The following CDH4 variants were observed in gnomAD, a reference collection of about 807,000 sequenced individuals.
CDH4 encodes the protein cadherin-4.
CDH4 carries 33 observed loss-of-function variants against 86.0 expected under a neutral mutation model. The observed-to-expected ratio is 0.38, with a 90% CI of 0.29 to 0.51. CDH4 has a LOEUF of 0.51. CDH4 is among the 20% of genes least tolerant of loss of function. The probability of loss-of-function intolerance (pLI) is 0.86; values close to 1 mark genes in which losing one functional copy is unlikely to be tolerated. For synonymous variants in CDH4, 555 were observed against 549.4 expected (o/e 1.01, Z -0.14); for missense variants, 1,114 against 1,307.4 (o/e 0.85, Z 2.28).
intron 2 of CDH4, among the ~76,000 whole-genome samples, chr20:61,693,455 C>T (rs926317589): frequency 1.1e-4 from 17 of 152,172 alleles, no homozygotes; most frequent in African/African-American, 4.1e-4. Context: ...GGTGGGGCAG[C>T]GAGCAGATGA....
intron 8 of CDH4, 104 bp from the exon 9 acceptor site, chr20:61,910,318 T>C: frequency 1.0e-6 from 1 of 993,328 alleles, no homozygotes; most frequent in South Asian, 1.5e-5. Flanking sequence ...CACGGTGTGT[T>C]CTGTTTGTGA....
At chr20:61,297,084 C>G (rs2084359124) in intron 2 of CDH4, among the ~76,000 whole-genome samples, 1 of 152,108 alleles carries the variant, frequency 6.6e-6, no homozygotes, top group African/African-American at 2.4e-5. Context: ...AACAAGGATC[C>G]CTCTCTTAAA....
intron 2 of CDH4, among the ~76,000 whole-genome samples, chr20:61,309,119 G>A (rs539682487): frequency 2.0e-5 from 3 of 152,356 alleles, no homozygotes; most frequent in Non-Finnish European, 2.9e-5. Context: ...AGCACAGGGC[G>A]CTTCTGAGCG....
chr20:61,917,178 C>T (rs186541309), intron 9 of CDH4, among the ~76,000 whole-genome samples: 1 of 152,302 alleles, frequency 6.6e-6, no homozygotes, highest in Non-Finnish European at 1.5e-5. Flanking sequence ...CCATACCAGC[C>T]GGGGATGAGG....
intron 2 of CDH4, among the ~76,000 whole-genome samples, chr20:61,504,425 A>T (rs1346841504): frequency 6.6e-6 from 1 of 152,106 alleles, no homozygotes; most frequent in Non-Finnish European, 1.5e-5. Context: ...ATGACCTTAG[A>T]TAGAGGTGGG....
At chr20:61,851,619 G>A (rs1295601978) in intron 5 of CDH4, among the ~76,000 whole-genome samples, 1 of 152,206 alleles carries the variant, frequency 6.6e-6, no homozygotes, top group East Asian at 1.9e-4. Context: ...GCAGAAAGAT[G>A]TGAGCTGAGG....
chr20:61,299,538 C>T (rs551560353), intron 2 of CDH4, among the ~76,000 whole-genome samples: 2 of 152,296 alleles, frequency 1.3e-5, no homozygotes, highest in South Asian at 4.1e-4. Flanking sequence ...TTCTTGGTAA[C>T]CTGACTTCTT....
chr20:61,868,827 G>T (rs1983667857), intron 6 of CDH4, among the ~76,000 whole-genome samples: 1 of 152,210 alleles, frequency 6.6e-6, no homozygotes, highest in Non-Finnish European at 1.5e-5. Context: ...AGAGGGGAGG[G>T]CGGGAGACGG....
At chr20:61,280,623 T>C (rs902841559) in intron 2 of CDH4, among the ~76,000 whole-genome samples, 3 of 152,190 alleles carry the variant, frequency 2.0e-5, no homozygotes, top group African/African-American at 7.2e-5. Context: ...GGTAGTGATA[T>C]AAAGTTCCCT....
intron 2 of CDH4, chr20:61,437,236 G>A (rs541261661): frequency 5.9e-5 from 9 of 152,392 alleles, no homozygotes; most frequent in South Asian, 2.1e-4. Context: ...GAAATGACTC[G>A]TCTAGCAAGA....
chr20:61,821,508 C>T (rs1431454188), intron 4 of CDH4, among the ~76,000 whole-genome samples: 1 of 149,900 alleles, frequency 6.7e-6, no homozygotes, highest in Non-Finnish European at 1.5e-5. Flanking sequence ...GCCCAGATCC[C>T]ACTGCTCCAG....
intron 2 of CDH4, among the ~76,000 whole-genome samples, chr20:61,635,455 G>A (rs1037023541): frequency 6.6e-6 from 1 of 152,214 alleles, no homozygotes; most frequent in Non-Finnish European, 1.5e-5. Flanking sequence ...CCCAAGAGGG[G>A]CTGGCAGAGG....
intron 2 of CDH4, among the ~76,000 whole-genome samples, chr20:61,671,337 A>G (rs1422066294): frequency 6.6e-6 from 1 of 152,144 alleles, no homozygotes; most frequent in Non-Finnish European, 1.5e-5. Flanking sequence ...ACAAAAATTA[A>G]TTTTAAAAAT....
rs1172026035 is a variant in CDH4, at chr20:61,807,690, G to A, written c.576+34508G>A. Among the ~76,000 whole-genome samples, 2 of 152,172 alleles carry A rather than the reference G, an allele frequency of 1.3e-5. No homozygotes were observed. Among genetic ancestry groups the A allele is most frequent in the African/African-American group, 4.8e-5 (2 of 41,434 alleles). The stretch of plus-strand genomic sequence containing the variant: ...TGAGAACAGCTGGGGAACTGTGGAC[G>A]GCTCTTCAGACTCAAACGGTGTGAT... On this transcript the variant is annotated intron_variant, in intron 4 of 15. Coordinates refer to ENST00000614565, the MANE Select transcript of CDH4 (RefSeq NM_001794.5). This position sits in a 1 kb window ranked among gnomAD's most constrained non-coding sequence, Gnocchi z 4.5.
chr20:61,658,428 T>C (rs2087215650), intron 2 of CDH4, among the ~76,000 whole-genome samples: 1 of 152,164 alleles, frequency 6.6e-6, no homozygotes, highest in Admixed American at 6.5e-5. Context: ...AGCTCGCAGG[T>C]GCCCAGGCAC....
At chr20:61,301,082 C>G (rs181314050) in intron 2 of CDH4, among the ~76,000 whole-genome samples, 48 of 152,392 alleles carry the variant, frequency 3.1e-4, no homozygotes, top group Admixed American at 1.2e-3. Flanking sequence ...CTGCGCCCAA[C>G]TCCCCATTTG....
rs530282966 is a variant in CDH4, at chr20:61,928,669, G to A, written c.2005+246G>A. Among the ~76,000 whole-genome samples, 7 of 152,354 alleles carry A rather than the reference G, an allele frequency of 4.6e-5. No homozygotes were observed. The South Asian group carries it at 1.5e-3, about 32-fold the overall frequency. On this transcript the variant is annotated intron_variant, in intron 12 of 15. Transcript: ENST00000614565. ...AATGAGGCCAGCCGTGAACATCCTT[G>A]CAGCTCTGCCCATGTACATCCATGA...
At chr20:61,540,158 G>T (rs1224984933) in intron 2 of CDH4, among the ~76,000 whole-genome samples, 2 of 152,192 alleles carry the variant, frequency 1.3e-5, no homozygotes, top group African/African-American at 4.8e-5. Flanking sequence ...GCACCACATG[G>T]ACACTCGACA....
At chr20:61,924,538 G>A in intron 11 of CDH4, 62 bp downstream of exon 11, 3 of 1,561,092 alleles carry the variant, frequency 1.9e-6, no homozygotes, top group Non-Finnish European at 8.7e-7. Context: ...GGTTCTGTGG[G>A]CGAGGGAGGG....
Sources: allele counts gnomAD v4.1 joint callset (sites outside exome capture counted in the v4.1 genomes callset), GRCh38; gene constraint gnomAD v4.1.1; non-coding constraint Gnocchi (gnomAD v3.1); transcripts MANE v1.5; gene names NCBI Gene and HGNC (gene_info 2026-07-23, HGNC 2026-07-21).